PPHLN1: variants seen among roughly 807,000 people sequenced by gnomAD.
The protein encoded by PPHLN1 is periphilin-1.
PPHLN1 carries 29 observed loss-of-function variants against 51.3 expected under a neutral mutation model. The ratio of observed to expected loss-of-function variants is 0.57; its 90% CI spans 0.42 to 0.77. The LOEUF (loss-of-function observed/expected upper bound fraction) is 0.77, where lower values mean the gene tolerates loss of function less well. Among genes scored for constraint, PPHLN1 ranks in the 30% least tolerant of loss-of-function variants. The pLI is 0.00. For missense variants in PPHLN1, 436 were observed against 438.4 expected, an observed-to-expected ratio of 0.99 and a Z score of 0.05; for synonymous variants, 147 against 147.8, an observed-to-expected ratio of 0.99 and a Z score of 0.04.
chr12:42,420,318 G>A (rs2080869281), intron 9 of PPHLN1, among the ~76,000 whole-genome samples: 1 of 135,718 alleles, frequency 7.4e-6, no homozygotes, highest in Non-Finnish European at 1.7e-5. Flanking sequence ...GAGAGTGTGT[G>A]TATACTTTTT....
chr12:42,367,480 C>G (rs1342405564), intron 4 of PPHLN1, among the ~76,000 whole-genome samples: 1 of 151,518 alleles, frequency 6.6e-6, no homozygotes, highest in African/African-American at 2.4e-5. Flanking sequence ...TATGTCTTAC[C>G]TTATATCTAA....
intron 5 of PPHLN1, among the ~76,000 whole-genome samples, chr12:42,377,301 C>CT (rs11297368): frequency 0.024 from 2,481 of 104,978 alleles, 111 homozygotes; most frequent in African/African-American, 0.073. Flanking sequence ...TTTTTTCTTT[C>CT]TTTTTTTTTT....
In PPHLN1 at chr12:42,418,837, G is replaced by A. The variant is rs574870937; in HGVS notation, c.909+19843G>A. On this transcript the variant is annotated intron_variant, in intron 9 of 9. Transcript: ENST00000358314. ...TAAAAAGAGAGTTTCCTGAGGATAGGCACTACATGTTTTTTTCACCACTTG... is the reference window on the plus strand; with the variant it reads ...TAAAAAGAGAGTTTCCTGAGGATAGACACTACATGTTTTTTTCACCACTTG... Among the ~76,000 whole-genome samples the A allele has an allele frequency of 1.1e-4, 17 of 152,038 alleles. No individual in the cohort carries two copies. In the South Asian group the frequency reaches 3.5e-3, roughly 32 times the overall value.
chr12:42,418,192 G>T (rs1314940497), intron 9 of PPHLN1, among the ~76,000 whole-genome samples: 1 of 136,612 alleles, frequency 7.3e-6, no homozygotes, highest in East Asian at 2.2e-4. Context: ...GCCCCGCCTC[G>T]ACCACTGCTC....
chr12:42,442,508 G>T, downstream of PPHLN1: 1 of 1,284,818 alleles, frequency 7.8e-7, no homozygotes, highest in Non-Finnish European at 1.1e-6. Context: ...TGTCTGTACC[G>T]AATAAATACA....
At chr12:42,391,695 T>TA (rs918016442) in intron 7 of PPHLN1, among the ~76,000 whole-genome samples, 4 of 152,098 alleles carry the variant, frequency 2.6e-5, no homozygotes, top group African/African-American at 7.3e-5. Flanking sequence ...AACTAGCTTT[T>TA]AAAAAAACCT....
chr12:42,366,018 G>T (rs2075231122), intron 4 of PPHLN1, among the ~76,000 whole-genome samples: 1 of 151,986 alleles, frequency 6.6e-6, no homozygotes. Flanking sequence ...ATGGACCTTT[G>T]TCTTACTTGC....
chr12:42,358,679 T>C (rs1401157836), intron 4 of PPHLN1, among the ~76,000 whole-genome samples: 1 of 152,244 alleles, frequency 6.6e-6, no homozygotes, highest in East Asian at 1.9e-4. Context: ...GTGCTGGGAT[T>C]ATAGGCATGA....
intron 9 of PPHLN1, among the ~76,000 whole-genome samples, chr12:42,410,715 T>C (rs1366403194): frequency 6.6e-6 from 1 of 152,262 alleles, no homozygotes; most frequent in East Asian, 1.9e-4. Context: ...GCAAAACTGT[T>C]TCATTCATTT....
chr12:42,417,903 G>GA (rs59776476), intron 9 of PPHLN1, among the ~76,000 whole-genome samples: 6,200 of 97,350 alleles, frequency 0.064, 246 homozygotes, highest in East Asian at 0.22. Context: ...AGGGAAAAAA[G>GA]AAAAAAAAAA....
intron 9 of PPHLN1, among the ~76,000 whole-genome samples, chr12:42,428,347 A>G (rs1482520389): frequency 1.3e-5 from 2 of 152,238 alleles, no homozygotes; most frequent in Non-Finnish European, 2.9e-5. Flanking sequence ...CTGTGAAATC[A>G]TGGGACCAAC....
At chr12:42,445,812 TAG>T, downstream of PPHLN1, 2 of 790,614 alleles carry the variant, frequency 2.5e-6, no homozygotes, top group Non-Finnish European at 3.8e-6. Context: ...TTCTGAAATT[TAG>T]ATGATAAATT....
intron 1 of PPHLN1, among the ~76,000 whole-genome samples, chr12:42,333,597 C>G (rs1245608382): frequency 6.6e-6 from 1 of 152,104 alleles, no homozygotes; most frequent in Non-Finnish European, 1.5e-5. Flanking sequence ...ATTCTCCTGC[C>G]TCAGCCTCCC....
At chr12:42,424,828 A>C (rs934748375) in intron 9 of PPHLN1, among the ~76,000 whole-genome samples, 1 of 152,210 alleles carries the variant, frequency 6.6e-6, no homozygotes, top group African/African-American at 2.4e-5. Flanking sequence ...GGATACTATA[A>C]AAAAATGAAA....
intron 9 of PPHLN1, among the ~76,000 whole-genome samples, chr12:42,408,534 G>A (rs2079520975): frequency 2.6e-5 from 4 of 152,158 alleles, no homozygotes; most frequent in Admixed American, 2.6e-4. Flanking sequence ...TATTACTTTA[G>A]TAGTTAGGTA....
In PPHLN1 at chr12:42,391,216, A is replaced by G. The variant is rs191850910; in HGVS notation, c.649-2354A>G. Among the ~76,000 whole-genome samples, 279 of 152,212 alleles carry G rather than the reference A, an allele frequency of 1.8e-3. 4 individuals carry two copies. Among genetic ancestry groups the G allele is most frequent in the Admixed American group, 0.016 (251 of 15,268 alleles). On this transcript the variant is annotated intron_variant, in intron 7 of 9. Transcript: ENST00000358314. ...TTTCGAATGTGCAGAGAGAATGACA[A>G]TAAGTTATAGTAGGCTTTTGCTTCA... is the stretch of plus-strand genomic sequence containing the variant.
At chr12:42,428,261 A>G (rs1266502650) in intron 9 of PPHLN1, among the ~76,000 whole-genome samples, 2 of 152,214 alleles carry the variant, frequency 1.3e-5, no homozygotes, top group African/African-American at 4.8e-5. Flanking sequence ...ACTACTGGGT[A>G]TCTACCCAGA....
At chr12:42,405,852 TG>T (rs1416398190) in intron 9 of PPHLN1, among the ~76,000 whole-genome samples, 1 of 152,166 alleles carries the variant, frequency 6.6e-6, no homozygotes, top group African/African-American at 2.4e-5. Flanking sequence ...TATTATGTTT[TG>T]CTTTTTTTTT....
rs533711344 is a variant in PPHLN1 at position 42,398,723 on chromosome 12, G to C, written c.769-131G>C. 16 of 703,922 alleles carry C rather than the reference G, an allele frequency of 2.3e-5. No homozygotes were observed. In the South Asian group the frequency reaches 3.8e-4, roughly 17 times the overall value. The allele number at this position is 703,922 out of a possible 1,614,324, so 43.6% of individuals were successfully genotyped here. A position where few individuals can be genotyped will look rare whatever the true frequency, so the allele number is the denominator to read the frequency against. On this transcript the variant is annotated intron_variant, in intron 8 of 9. Transcript: ENST00000358314. Reference sequence around the variant, plus strand: ...CTCATTATGCATAGTGAAATGGAGAGAGTTTTCTTTTCTTAAAACATGTTA... The same window carrying C: ...CTCATTATGCATAGTGAAATGGAGACAGTTTTCTTTTCTTAAAACATGTTA...
Sources: gnomAD v4.1 joint callset for allele counts (sites outside exome capture counted in the v4.1 genomes callset) on GRCh38, gnomAD v4.1.1 for gene constraint, MANE v1.5 for transcripts, NCBI Gene and HGNC (gene_info 2026-07-23, HGNC 2026-07-21) for gene names.